The following MAPT variants were observed in gnomAD, a reference collection of about 807,000 sequenced individuals.
The protein encoded by MAPT is microtubule-associated protein tau.
In MAPT, 34 loss-of-function variants were observed where a neutral mutation model predicts 67.9. The observed-to-expected ratio is 0.50, with a 90% CI of 0.38 to 0.67. MAPT has a LOEUF of 0.67. Ranked by LOEUF, MAPT falls within the 30% of genes least tolerant of loss-of-function variation. MAPT has a pLI of 0.00. For missense variants in MAPT, 881 were observed against 1,115.2 expected, an observed-to-expected ratio of 0.79 and a Z score of 2.99; for synonymous variants, 456 against 464.5, an observed-to-expected ratio of 0.98 and a Z score of 0.23.
Position 46,010,232 on chromosome 17 carries a change from G to C in MAPT, c.1999-78G>C. 1 of 975,162 alleles carries C rather than the reference G, an allele frequency of 1.0e-6. No individual in the cohort carries two copies. The highest frequency in any genetic ancestry group is 1.6e-6 in the Non-Finnish European group (1 of 622,348). The allele number at this position is 975,162 out of a possible 1,614,324, so 60.4% of individuals were successfully genotyped here. On this transcript the variant is annotated intron_variant, in intron 9 of 12. Coordinates refer to ENST00000262410, the MANE Select transcript of MAPT (RefSeq NM_001377265.1). This position sits in a 1 kb window ranked among gnomAD's most constrained non-coding sequence, Gnocchi z 4.7. ...TCCAGGGTGGCGCATGTCACTCATCGAAAGTGGAGGCGTCCTTGCGAGCAA... is the reference window on the plus strand; with the variant it reads ...TCCAGGGTGGCGCATGTCACTCATCCAAAGTGGAGGCGTCCTTGCGAGCAA...
chr17:45,994,963 G>A (rs1009057884), intron 8 of MAPT, among the ~76,000 whole-genome samples: 8 of 152,132 alleles, frequency 5.3e-5, no homozygotes, highest in Admixed American at 1.3e-4. Flanking sequence ...CAGGAGACTC[G>A]CTTGATCCCA....
intron 11 of MAPT, among the ~76,000 whole-genome samples, chr17:46,017,628 A>AT (rs951884700): frequency 4.8e-4 from 68 of 141,692 alleles, no homozygotes; most frequent in Middle Eastern, 3.7e-3. Context: ...TAATTTTTGT[A>AT]TTTTTTTTTT....
chr17:46,002,161 A>G (rs2075052838), intron 9 of MAPT, among the ~76,000 whole-genome samples: 1 of 152,174 alleles, frequency 6.6e-6, no homozygotes, highest in Non-Finnish European at 1.5e-5. Context: ...GGGCAGCTGC[A>G]AGCCTCTGGA....
chr17:45,918,660 G>A (rs1301592933), intron 1 of MAPT, among the ~76,000 whole-genome samples: 1 of 152,330 alleles, frequency 6.6e-6, no homozygotes, highest in African/African-American at 2.4e-5. Context: ...AGAACCAGAG[G>A]TGGGTTCCAA....
At chr17:45,934,270 T>C (rs751014563) in intron 1 of MAPT, among the ~76,000 whole-genome samples, 4 of 152,208 alleles carry the variant, frequency 2.6e-5, no homozygotes, top group Non-Finnish European at 5.9e-5. Context: ...AGCCAGAACT[T>C]TGAGGCTACA....
rs1377147938 is a variant in MAPT at position 45,915,245 on chromosome 17, G to A, written c.-18+20559G>A. Reference sequence around the variant, plus strand: ...AGTGTGGGGGGATGGGGGTGAGTGTGTGTGGTGTGTAAGCATGAGTGTGTA... The same window carrying A: ...AGTGTGGGGGGATGGGGGTGAGTGTATGTGGTGTGTAAGCATGAGTGTGTA... On this transcript the variant is annotated intron_variant, in intron 1 of 12. Coordinates refer to ENST00000262410, the MANE Select transcript of MAPT (RefSeq NM_001377265.1). The surrounding 1 kb of genome is among the most constrained non-coding windows in gnomAD (Gnocchi z 4.4). Among the ~76,000 whole-genome samples the A allele has an allele frequency of 2.6e-5, 4 of 151,950 alleles. No homozygotes were observed.
intron 1 of MAPT, among the ~76,000 whole-genome samples, chr17:45,932,895 A>G (rs2066972532): frequency 6.6e-6 from 1 of 152,038 alleles, no homozygotes; most frequent in South Asian, 2.1e-4. Flanking sequence ...CAGCCTAACC[A>G]ACATGATGAA....
chr17:45,965,492 C>T (rs1211578017), intron 2 of MAPT, among the ~76,000 whole-genome samples: 6 of 151,794 alleles, frequency 4.0e-5, no homozygotes, highest in East Asian at 2.0e-4. Context: ...CTCGGCTCAC[C>T]GCAACCTGCG....
chr17:46,018,512 C>A, intron 11 of MAPT, 106 bp from the exon 12 acceptor site: 1 of 868,544 alleles, frequency 1.2e-6, no homozygotes, highest in Non-Finnish European at 2.0e-6. Context: ...GCCCCAGCAG[C>A]CCCTGGCACT....
chr17:45,899,130 G>T (rs1323529834), intron 1 of MAPT, among the ~76,000 whole-genome samples: 2 of 152,200 alleles, frequency 1.3e-5, no homozygotes, highest in Admixed American at 1.3e-4. Context: ...TTCCAGCAGG[G>T]ACTCTCAGCT....
chr17:45,968,941 A>G (rs1376329539), intron 2 of MAPT, among the ~76,000 whole-genome samples: 1 of 152,238 alleles, frequency 6.6e-6, no homozygotes, highest in Non-Finnish European at 1.5e-5. Flanking sequence ...TGCCCATTAT[A>G]CAGGGGAGAA....
At chr17:45,932,359 G>A (rs2066917954) in intron 1 of MAPT, among the ~76,000 whole-genome samples, 1 of 152,150 alleles carries the variant, frequency 6.6e-6, no homozygotes, top group Non-Finnish European at 1.5e-5. Context: ...GGGAGGCTGA[G>A]GCAGGCAGAT....
intron 1 of MAPT, among the ~76,000 whole-genome samples, chr17:45,904,866 A>C (rs936845132): frequency 9.9e-5 from 15 of 152,188 alleles, no homozygotes; most frequent in Non-Finnish European, 2.1e-4. Flanking sequence ...AGCCAAGCAA[A>C]GGTTATATAT....
intron 1 of MAPT, chr17:45,908,208 A>C (rs2064466020): frequency 6.6e-6 from 1 of 152,266 alleles, no homozygotes; most frequent in African/African-American, 2.4e-5. Context: ...ACACTTATCA[A>C]ATAGAGAAGC....
intron 1 of MAPT, among the ~76,000 whole-genome samples, chr17:45,944,475 C>T (rs1293228613): frequency 6.6e-6 from 1 of 152,186 alleles, no homozygotes; most frequent in African/African-American, 2.4e-5. Context: ...TCTGTGTACC[C>T]GTGGGGATAG....
intron 2 of MAPT, among the ~76,000 whole-genome samples, chr17:45,968,737 C>T (rs1244369867): frequency 6.6e-6 from 1 of 152,228 alleles, no homozygotes; most frequent in Admixed American, 6.5e-5. Flanking sequence ...AAATAAAATA[C>T]TCAAGTTCCT....
intron 11 of MAPT, among the ~76,000 whole-genome samples, chr17:46,017,440 ATTTTTTTTTTTTTTTTTT>A (rs76980614): frequency 4.8e-5 from 3 of 63,008 alleles, no homozygotes; most frequent in African/African-American, 2.4e-4. Context: ...TGCCTGGCTA[ATTTTTTTTTTTTTTTTTT>A]TTTTTTTTTT....
intron 1 of MAPT, among the ~76,000 whole-genome samples, chr17:45,928,729 T>C (rs2066581772): frequency 6.6e-6 from 1 of 152,200 alleles, no homozygotes; most frequent in Non-Finnish European, 1.5e-5. Context: ...AGAGTTTTGC[T>C]CTGTCACCCA....
At chr17:45,992,196 T>G (rs1273722519) in intron 8 of MAPT, among the ~76,000 whole-genome samples, 1 of 152,216 alleles carries the variant, frequency 6.6e-6, no homozygotes, top group Non-Finnish European at 1.5e-5. Context: ...GAGAGTTTGC[T>G]TGACTGAGTC....
Sources: gnomAD v4.1 joint callset for allele counts (sites outside exome capture counted in the v4.1 genomes callset) on GRCh38, gnomAD v4.1.1 for gene constraint, Gnocchi (gnomAD v3.1) non-coding constraint, MANE v1.5 for transcripts, NCBI Gene and HGNC (gene_info 2026-07-23, HGNC 2026-07-21) for gene names.